Variants in PCDH9 observed in about 807,000 individuals in gnomAD.
The protein encoded by PCDH9 is protocadherin 9.
PCDH9 carries 24 observed loss-of-function variants against 70.6 expected under a neutral mutation model. The observed-to-expected ratio is 0.34, with a 90% CI of 0.25 to 0.48. The LOEUF (loss-of-function observed/expected upper bound fraction) is 0.48. Ranked by LOEUF, PCDH9 falls within the 20% of genes least tolerant of loss-of-function variation. The probability of loss-of-function intolerance (pLI) is 0.99; values close to 1 mark genes in which losing one functional copy is unlikely to be tolerated. For missense variants in PCDH9, 1,281 were observed against 1,503.6 expected, an observed-to-expected ratio of 0.85 and a Z score of 2.45; for synonymous variants, 562 against 558.5, an observed-to-expected ratio of 1.01 and a Z score of -0.09.
intron 3 of PCDH9, among the ~76,000 whole-genome samples, chr13:66,690,217 G>GT (rs1167928908): frequency 9.9e-5 from 15 of 151,702 alleles, no homozygotes; most frequent in East Asian, 1.9e-4. Flanking sequence ...GAGTAATGCA[G>GT]TTTTTTTTGC....
intron 4 of PCDH9, among the ~76,000 whole-genome samples, chr13:66,398,677 G>T (rs1437226807): frequency 6.6e-6 from 1 of 152,030 alleles, no homozygotes; most frequent in Non-Finnish European, 1.5e-5. Flanking sequence ...AAAAAATTAA[G>T]AACAATTCAC....
chr13:66,358,714 T>C (rs539651485), intron 4 of PCDH9, among the ~76,000 whole-genome samples: 2 of 152,062 alleles, frequency 1.3e-5, no homozygotes, highest in Admixed American at 6.6e-5. Context: ...AAGTGTATTG[T>C]TTATTTCCAT....
At chr13:66,734,932 G>A (rs2079125420) in intron 3 of PCDH9, among the ~76,000 whole-genome samples, 1 of 152,140 alleles carries the variant, frequency 6.6e-6, no homozygotes, top group South Asian at 2.1e-4. Flanking sequence ...TGTTAACATA[G>A]CTCTCAAACC....
rs988028451 is a variant in PCDH9 at position 66,494,580 on chromosome 13, ACT to A, written c.3340+136628_3340+136629del. On this transcript the variant is annotated intron_variant, in intron 4 of 4. Coordinates refer to ENST00000377865, the MANE Select transcript of PCDH9 (RefSeq NM_203487.3). Reference sequence around the variant, plus strand: ...TTGTGACTCTCTCTCTCTGTCTCTCACTCTCTCCATACCCCCACCATTCTACT... The same window carrying A: ...TTGTGACTCTCTCTCTCTGTCTCTCACTCTCCATACCCCCACCATTCTACT... Among the ~76,000 whole-genome samples, 202 of 152,056 alleles carry A rather than the reference ACT, an allele frequency of 1.3e-3. 1 individual carries two copies. Among genetic ancestry groups the A allele is most frequent in the African/African-American group, 4.7e-3 (193 of 41,474 alleles).
chr13:67,059,469 G>T lies in PCDH9; in HGVS notation c.3037-155864C>A, dbSNP rs1241259206. Among the ~76,000 whole-genome samples, 4 of 148,480 alleles carry T rather than the reference G, an allele frequency of 2.7e-5. No homozygotes were observed. In the Admixed American group the frequency reaches 2.7e-4, roughly 10 times the overall value. Reference sequence around the variant, plus strand: ...AGTGTTATAAAGAAAAATACAGCAAGGTATGGAATGCAACATGTTGTGGAG... The same window carrying T: ...AGTGTTATAAAGAAAAATACAGCAATGTATGGAATGCAACATGTTGTGGAG... On this transcript the variant is annotated intron_variant, in intron 2 of 4. Transcript: ENST00000377865.
intron 4 of PCDH9, among the ~76,000 whole-genome samples, chr13:66,525,962 T>C (rs1960201082): frequency 6.6e-6 from 1 of 152,130 alleles, no homozygotes; most frequent in Admixed American, 6.6e-5. Flanking sequence ...ATATACTCTG[T>C]ACAGCTGTTC....
chr13:66,764,412 A>T lies in PCDH9; in HGVS notation c.3139-133001T>A, dbSNP rs139574342. 2.2e-3 allele frequency among the ~76,000 whole-genome samples: 334 copies of T among 152,116 alleles called. 9 individuals carry two copies. Among genetic ancestry groups the T allele is most frequent in the Admixed American group, 0.021 (315 of 15,262 alleles). On this transcript the variant is annotated intron_variant, in intron 3 of 4. Coordinates refer to ENST00000377865, the MANE Select transcript of PCDH9 (RefSeq NM_203487.3). The stretch of plus-strand genomic sequence containing the variant: ...TCAATTCCTTTGGGTTAGAGTCATT[A>T]ACATTTGCGTGTAAAACTTTCTATA...
chr13:66,766,870 T>C (rs1344480882), intron 3 of PCDH9, among the ~76,000 whole-genome samples: 1 of 152,028 alleles, frequency 6.6e-6, no homozygotes, highest in Non-Finnish European at 1.5e-5. Context: ...TATCAGCTAC[T>C]GTAACATGGT....
intron 2 of PCDH9, among the ~76,000 whole-genome samples, chr13:67,053,593 T>G (rs538663752): frequency 6.6e-6 from 1 of 151,934 alleles, no homozygotes; most frequent in Non-Finnish European, 1.5e-5. Context: ...TCAAAAGGAG[T>G]GACTTTATGC....
chr13:66,866,089 G>C (rs1684619554), intron 3 of PCDH9, among the ~76,000 whole-genome samples: 1 of 152,126 alleles, frequency 6.6e-6, no homozygotes, highest in African/African-American at 2.4e-5. Context: ...AAAAAAGGCG[G>C]GAATAAATAT....
At chr13:66,456,425 C>T (rs1028006434) in intron 4 of PCDH9, among the ~76,000 whole-genome samples, 2 of 151,994 alleles carry the variant, frequency 1.3e-5, no homozygotes, top group African/African-American at 2.4e-5. Context: ...CCACACCTAG[C>T]TAATTTTCAA....
At chr13:66,641,402 T>A (rs1239610033) in intron 3 of PCDH9, among the ~76,000 whole-genome samples, 1 of 152,174 alleles carries the variant, frequency 6.6e-6, no homozygotes, top group East Asian at 1.9e-4. Flanking sequence ...GATTAATTTG[T>A]ATGGAGAAAG....
chr13:66,409,939 C>G (rs1162762452), intron 4 of PCDH9, among the ~76,000 whole-genome samples: 2 of 152,156 alleles, frequency 1.3e-5, no homozygotes, highest in African/African-American at 4.8e-5. Context: ...TTTTAAGGTT[C>G]CCAGTAGTCA....
Position 66,984,448 on chromosome 13 carries a change from C to T in PCDH9, c.3037-80843G>A, listed in dbSNP as rs2083847109. Among the ~76,000 whole-genome samples, 3 of 152,130 alleles carry T rather than the reference C, an allele frequency of 2.0e-5. 1 individual carries two copies. In the South Asian group the frequency reaches 6.2e-4, roughly 31 times the overall value. On this transcript the variant is annotated intron_variant, in intron 2 of 4. Transcript: ENST00000377865. ...GTTGCAATAGAAAAACACATACTGC[C>T]TGAGTGCTCTGATGATGTTACTTCT... is the stretch of plus-strand genomic sequence containing the variant.
At chr13:66,851,667 G>A (rs372118585) in intron 3 of PCDH9, among the ~76,000 whole-genome samples, 6 of 151,870 alleles carry the variant, frequency 4.0e-5, no homozygotes, top group East Asian at 1.9e-4. Flanking sequence ...AAGTTATTGC[G>A]GATTTTGCCA....
chr13:66,846,453 C>T (rs1172995746), intron 3 of PCDH9, among the ~76,000 whole-genome samples: 1 of 151,996 alleles, frequency 6.6e-6, no homozygotes, highest in African/African-American at 2.4e-5. Flanking sequence ...ACCTAAAATA[C>T]TAGAAGTGGA....
chr13:66,378,858 A>C (rs1288616189), intron 4 of PCDH9, among the ~76,000 whole-genome samples: 1 of 152,220 alleles, frequency 6.6e-6, no homozygotes, highest in East Asian at 1.9e-4. Flanking sequence ...CTAGCAAATA[A>C]GGAAAAGAGT....
intron 4 of PCDH9, among the ~76,000 whole-genome samples, chr13:66,382,514 CAT>C (rs774219983): frequency 1.0e-4 from 15 of 147,308 alleles, no homozygotes; most frequent in Non-Finnish European, 1.8e-4. Context: ...GAAACAAAGA[CAT>C]AGAACATGGC....
At chr13:66,375,409 T>C (rs1161351810) in intron 4 of PCDH9, among the ~76,000 whole-genome samples, 1 of 152,094 alleles carries the variant, frequency 6.6e-6, no homozygotes, top group Non-Finnish European at 1.5e-5. Flanking sequence ...TATTGCTTTG[T>C]TTTTTGTTAA....
Sources: allele counts gnomAD v4.1 joint callset (sites outside exome capture counted in the v4.1 genomes callset), GRCh38; gene constraint gnomAD v4.1.1; transcripts MANE v1.5; gene names NCBI Gene and HGNC (gene_info 2026-07-23, HGNC 2026-07-21).